PLEKHA5: variants seen among roughly 807,000 people sequenced by gnomAD.
The protein encoded by PLEKHA5 is pleckstrin homology domain-containing family A member 5.
A neutral mutation model predicts 181.9 loss-of-function variants in PLEKHA5; 55 were observed. The ratio of observed to expected loss-of-function variants is 0.30; its 90% confidence interval spans 0.24 to 0.38. The LOEUF is 0.38. PLEKHA5 is among the 10% of genes least tolerant of loss of function. The pLI, the probability that PLEKHA5 is intolerant of heterozygous loss-of-function variation, is 1.00. For missense variants in PLEKHA5, 1,432 were observed against 1,549.5 expected (o/e 0.92, Z 1.27); for synonymous variants, 535 against 529.4 (o/e 1.01, Z -0.15).
chr12:19,161,534 T>TTTG (rs1433313026), intron 3 of PLEKHA5, among the ~76,000 whole-genome samples: 1 of 152,186 alleles, frequency 6.6e-6, no homozygotes, highest in Non-Finnish European at 1.5e-5. Context: ...ACCCCTCATA[T>TTTG]TTGTGGGCAT....
intron 3 of PLEKHA5, among the ~76,000 whole-genome samples, chr12:19,235,102 G>T (rs1004216659): frequency 6.6e-6 from 1 of 152,054 alleles, no homozygotes; most frequent in African/African-American, 2.4e-5. Context: ...AAATGAGAAG[G>T]ATCATGAATC....
chr12:19,345,939 A>G (rs767229868), intron 23 of PLEKHA5, 51 bp downstream of exon 23: 1 of 851,458 alleles, frequency 1.2e-6, no homozygotes, highest in Non-Finnish European at 2.0e-6. Context: ...TGCTTAAGAG[A>G]TGAATTAGAA....
intron 15 of PLEKHA5, among the ~76,000 whole-genome samples, chr12:19,293,625 A>G (rs2152861136): frequency 6.6e-6 from 1 of 152,298 alleles, no homozygotes; most frequent in African/African-American, 2.4e-5. Context: ...ATAAACATGA[A>G]TCTGAAGTTA....
At chr12:19,306,099 G>A (rs2083425103) in intron 15 of PLEKHA5, among the ~76,000 whole-genome samples, 1 of 151,738 alleles carries the variant, frequency 6.6e-6, no homozygotes, top group Admixed American at 6.6e-5. Context: ...CAAGTTATTC[G>A]TATTTGCCAA....
At chr12:19,334,631 C>G (rs2093175492) in intron 20 of PLEKHA5, among the ~76,000 whole-genome samples, 1 of 151,216 alleles carries the variant, frequency 6.6e-6, no homozygotes, top group Admixed American at 6.6e-5. Flanking sequence ...CAAATTAAAC[C>G]ATGGCTAGAA....
At chr12:19,147,862 G>A (rs1000560763) in intron 3 of PLEKHA5, among the ~76,000 whole-genome samples, 2 of 151,842 alleles carry the variant, frequency 1.3e-5, no homozygotes, top group African/African-American at 2.4e-5. Flanking sequence ...TCAGCCTCCC[G>A]AGTAGCTGGG....
rs181542141 is a variant in PLEKHA5 at position 19,367,666 on chromosome 12, G to A, written c.3754+1557G>A. On this transcript the variant is annotated intron_variant, in intron 30 of 31. Transcript: ENST00000429027. The stretch of plus-strand genomic sequence containing the variant: ...GCGATCTCCACTCACTGCAAGCTCC[G>A]CCTCCTGGGTTCATGCCATTCTTCT... Among the ~76,000 whole-genome samples, 1,003 of 151,754 alleles carry A rather than the reference G, an allele frequency of 6.6e-3. 13 individuals carry two copies. Among genetic ancestry groups the A allele is most frequent in the African/African-American group, 0.023 (951 of 41,374 alleles).
At chr12:19,298,153 C>T (rs1489568779) in intron 15 of PLEKHA5, among the ~76,000 whole-genome samples, 2 of 151,880 alleles carry the variant, frequency 1.3e-5, no homozygotes, top group Non-Finnish European at 2.9e-5. Context: ...GAACCGAGAT[C>T]GCACCACTGC....
chr12:19,204,697 T>C (rs1194097433), intron 3 of PLEKHA5, among the ~76,000 whole-genome samples: 1 of 152,162 alleles, frequency 6.6e-6, no homozygotes, highest in Non-Finnish European at 1.5e-5. Flanking sequence ...AATTATTTAA[T>C]ATGTAAACAA....
chr12:19,357,094 A>G (rs934440626), intron 26 of PLEKHA5, among the ~76,000 whole-genome samples: 2 of 152,164 alleles, frequency 1.3e-5, no homozygotes, highest in Non-Finnish European at 2.9e-5. Context: ...TTACGTTTTC[A>G]TCAAAATAAA....
At chr12:19,133,776 T>C (rs2034749443) in intron 3 of PLEKHA5, among the ~76,000 whole-genome samples, 1 of 151,972 alleles carries the variant, frequency 6.6e-6, no homozygotes, top group Non-Finnish European at 1.5e-5. Context: ...GGTGAAATCT[T>C]TTCTTTGGAG....
At chr12:19,142,782 C>T (rs1468013360) in intron 3 of PLEKHA5, among the ~76,000 whole-genome samples, 1 of 152,136 alleles carries the variant, frequency 6.6e-6, no homozygotes, top group Non-Finnish European at 1.5e-5. Context: ...AAGTGTAACT[C>T]TATACTCACT....
intron 3 of PLEKHA5, among the ~76,000 whole-genome samples, chr12:19,155,403 A>G (rs559340070): frequency 1.4e-4 from 22 of 152,264 alleles, no homozygotes; most frequent in Admixed American, 5.9e-4. Context: ...TTTTTCTATT[A>G]AGTCCCGAAA....
At chr12:19,222,570 A>G (rs1391053990) in intron 3 of PLEKHA5, among the ~76,000 whole-genome samples, 2 of 152,190 alleles carry the variant, frequency 1.3e-5, no homozygotes, top group African/African-American at 4.8e-5. Flanking sequence ...GGCCTATAAT[A>G]AAAAGGCAAT....
At chr12:19,230,137 G>T (rs552756868) in intron 3 of PLEKHA5, among the ~76,000 whole-genome samples, 12 of 152,134 alleles carry the variant, frequency 7.9e-5, no homozygotes, top group Admixed American at 5.9e-4. Flanking sequence ...TAGACATAAG[G>T]GTTCTCCAGG....
At chr12:19,302,545 A>G (rs760708629) in intron 15 of PLEKHA5, among the ~76,000 whole-genome samples, 1 of 152,098 alleles carries the variant, frequency 6.6e-6, no homozygotes, top group Non-Finnish European at 1.5e-5. Context: ...ACAGGCGCCC[A>G]CCACCACACC....
chr12:19,200,241 C>T (rs1196202764), intron 3 of PLEKHA5: 4 of 910,788 alleles, frequency 4.4e-6, no homozygotes, highest in Non-Finnish European at 6.6e-6. Flanking sequence ...ATCACCCATC[C>T]CCCTTAAATA....
chr12:19,244,972 G>A (rs1037861779), intron 3 of PLEKHA5, among the ~76,000 whole-genome samples: 2 of 151,976 alleles, frequency 1.3e-5, no homozygotes, highest in African/African-American at 4.8e-5. Flanking sequence ...CCATGAAATA[G>A]AGATTTAAAA....
chr12:19,367,246 G>A lies in PLEKHA5; in HGVS notation c.3754+1137G>A, dbSNP rs1311151391. Among the ~76,000 whole-genome samples, 6 of 138,944 alleles carry A rather than the reference G, an allele frequency of 4.3e-5. No individual in the cohort carries two copies. The East Asian group carries it at 8.6e-4, about 20-fold the overall frequency. 91.2% of individuals were successfully genotyped at this position (138,944 alleles called of 152,430 possible). A position where few individuals can be genotyped will look rare whatever the true frequency, so the allele number is the denominator to read the frequency against. ...GGGATGGGAATTAGTGCATATTATC[G>A]CTTTGCTTCTTCTTTTTTTTTTTTT... On this transcript the variant is annotated intron_variant, in intron 30 of 31. Transcript: ENST00000429027.
Sources: gnomAD v4.1 joint callset for allele counts (sites outside exome capture counted in the v4.1 genomes callset) on GRCh38, gnomAD v4.1.1 for gene constraint, MANE v1.5 for transcripts, NCBI Gene and HGNC (gene_info 2026-07-23, HGNC 2026-07-21) for gene names.